Variants in USP34 observed in about 807,000 individuals in gnomAD.
USP34 encodes the protein ubiquitin specific peptidase 34.
A neutral mutation model predicts 460.3 loss-of-function variants in USP34; 70 were observed. That is an observed-to-expected ratio of 0.15 (90% CI 0.13 to 0.19). The LOEUF (loss-of-function observed/expected upper bound fraction) is 0.19. USP34 is among the 10% of genes least tolerant of loss of function. The probability of loss-of-function intolerance (pLI) is 1.00; values close to 1 mark genes in which losing one functional copy is unlikely to be tolerated. For missense variants in USP34, 3,985 were observed against 4,236.2 expected (o/e 0.94, Z 1.65); for synonymous variants, 1,647 against 1,405.3 (o/e 1.17, Z -3.85).
At chr2:61,387,928 TACACACACACAC>T (rs36116916) in intron 5 of USP34, among the ~76,000 whole-genome samples, 29 of 142,606 alleles carry the variant, frequency 2.0e-4, no homozygotes, top group Admixed American at 8.0e-4. Context: ...AATATATTTA[TACACACACACAC>T]ACACACACAC....
At chr2:61,197,423 C>T (rs1686841680) in intron 75 of USP34, among the ~76,000 whole-genome samples, 1 of 152,086 alleles carries the variant, frequency 6.6e-6, no homozygotes, top group African/African-American at 2.4e-5. Flanking sequence ...TTATATAATC[C>T]TCTCAAATTC....
intron 75 of USP34, among the ~76,000 whole-genome samples, chr2:61,199,023 G>T (rs1686891711): frequency 6.6e-6 from 1 of 152,156 alleles, no homozygotes; most frequent in Non-Finnish European, 1.5e-5. Flanking sequence ...TATTGGCAGT[G>T]TTGGCTGTTT....
chr2:61,415,794 T>G (rs1419659809), intron 2 of USP34, among the ~76,000 whole-genome samples: 1 of 152,222 alleles, frequency 6.6e-6, no homozygotes, highest in Non-Finnish European at 1.5e-5. Context: ...CTTCTCAGTT[T>G]TACCGTTATT....
At chr2:61,205,568 A>G (rs1687095974) in intron 72 of USP34, among the ~76,000 whole-genome samples, 1 of 152,248 alleles carries the variant, frequency 6.6e-6, no homozygotes, top group Admixed American at 6.5e-5. Context: ...AAAAGCCACA[A>G]ATTAGCATTT....
At chr2:61,247,733 T>C (rs1312947413) in intron 49 of USP34, among the ~76,000 whole-genome samples, 5 of 152,212 alleles carry the variant, frequency 3.3e-5, no homozygotes, top group Non-Finnish European at 5.9e-5. Context: ...AAAAGTAGAA[T>C]GTATACATAC....
chr2:61,223,665 C>T, intron 62 of USP34: 1 of 189,908 alleles, frequency 5.3e-6, no homozygotes, highest in South Asian at 9.7e-5. Flanking sequence ...CTGTATATTT[C>T]TTCCTTTTTT....
At chr2:61,402,434 C>T (rs1693749831) in intron 3 of USP34, among the ~76,000 whole-genome samples, 1 of 152,092 alleles carries the variant, frequency 6.6e-6, no homozygotes, top group Non-Finnish European at 1.5e-5. Flanking sequence ...GCTCCAAGTT[C>T]CCATATTATT....
At chr2:61,308,622 G>C (rs567221323) in intron 27 of USP34, among the ~76,000 whole-genome samples, 3 of 152,202 alleles carry the variant, frequency 2.0e-5, no homozygotes, top group East Asian at 3.9e-4. Flanking sequence ...AACTGAAAGG[G>C]TCCAGTGCTA....
intron 53 of USP34, among the ~76,000 whole-genome samples, chr2:61,238,664 T>C (rs1204594081): frequency 1.3e-5 from 2 of 152,194 alleles, no homozygotes; most frequent in Non-Finnish European, 2.9e-5. Flanking sequence ...TTTTACATTT[T>C]AAATTTAATT....
intron 8 of USP34, among the ~76,000 whole-genome samples, chr2:61,374,993 T>G (rs1389697804): frequency 6.6e-6 from 1 of 152,086 alleles, no homozygotes; most frequent in African/African-American, 2.4e-5. Context: ...GAATACCCCA[T>G]ACGACAACAG....
intron 2 of USP34, among the ~76,000 whole-genome samples, chr2:61,412,387 A>C (rs961681822): frequency 6.6e-6 from 1 of 152,128 alleles, no homozygotes; most frequent in Non-Finnish European, 1.5e-5. Context: ...CAGATTACAC[A>C]ACAGGGCATT....
chr2:61,432,634 G>A (rs1694710030), intron 1 of USP34, among the ~76,000 whole-genome samples: 1 of 151,968 alleles, frequency 6.6e-6, no homozygotes, highest in Admixed American at 6.6e-5. Context: ...AATGCTAAAT[G>A]GTTATTTTAA....
rs1469927365 is a variant in USP34 at position 61,211,906 on chromosome 2, C to G, written c.8706G>C (p.Leu2902=). ...GCCTCTGAGCTATAAACAGCTGCAT[C>G]AGGTTAAACAGTTCTTCTACTGCCT... ...YPGAVEELFN[L]MQLFIAQRPD... Residue 2902 remains leucine, a synonymous_variant, in exon 69 of 80, where the codon CTG becomes CTC. Coordinates refer to ENST00000398571, the MANE Select transcript of USP34 (RefSeq NM_014709.4). 9 of 1,607,610 alleles carry G rather than the reference C, an allele frequency of 5.6e-6. No individual in the cohort carries two copies. Among genetic ancestry groups the G allele is most frequent in the Non-Finnish European group, 6.8e-6 (8 of 1,178,216 alleles).
intron 20 of USP34, among the ~76,000 whole-genome samples, chr2:61,327,081 C>T (rs756701780): frequency 1.3e-5 from 2 of 152,032 alleles, no homozygotes; most frequent in Non-Finnish European, 2.9e-5. Flanking sequence ...CCACTGTGCA[C>T]AGCCTGGGCA....
At chr2:61,268,037 A>C (rs964964596) in intron 41 of USP34, among the ~76,000 whole-genome samples, 7 of 152,146 alleles carry the variant, frequency 4.6e-5, no homozygotes, top group Non-Finnish European at 1.0e-4. Context: ...TACAGATGTG[A>C]GCCACTGCAC....
rs1229420480 is a variant in USP34, at chr2:61,232,850, AT to A, written c.7033-319del. Among the ~76,000 whole-genome samples the A allele has an allele frequency of 1.3e-4, 14 of 110,298 alleles. No individual in the cohort carries two copies. In the South Asian group the frequency reaches 1.9e-3, roughly 15 times the overall value. 72.4% of individuals were successfully genotyped at this position (110,298 alleles called of 152,430 possible). A position where few individuals can be genotyped will look rare whatever the true frequency, so the allele number is the denominator to read the frequency against. ...TCTTTAGTTCTTATTAATTATATAT[AT>A]ATATATATTCCCCCCCCCCTTTTTT... is the stretch of plus-strand genomic sequence containing the variant. On this transcript the variant is annotated intron_variant, in intron 57 of 79. Transcript: ENST00000398571.
chr2:61,196,060 C>T (rs1055022819), intron 75 of USP34, among the ~76,000 whole-genome samples: 5 of 140,612 alleles, frequency 3.6e-5, no homozygotes, highest in African/African-American at 1.3e-4. Flanking sequence ...GTATGCACCA[C>T]CATGCACGAT....
intron 78 of USP34, 23 bp downstream of exon 78, chr2:61,190,245 TGCC>T (rs1370746686): frequency 2.5e-6 from 4 of 1,582,236 alleles, no homozygotes; most frequent in Non-Finnish European, 3.4e-6. Context: ...TAAAAGTGTG[TGCC>T]GCCGCCTCTG....
At position 61,246,409 on chromosome 2, in the gene USP34, C is replaced by T; in HGVS notation, c.6463G>A (p.Val2155Ile). The change falls in exon 50 of 80, where the codon GTT becomes ATT. Residue 2155 changes from valine (V) to isoleucine (I), a missense_variant. This residue lies in a region of USP34 where 70 missense variants were observed against 78.1 expected (regional missense o/e 0.90). Coordinates refer to ENST00000398571, the MANE Select transcript of USP34 (RefSeq NM_014709.4). ...SYEYDLIGVT[V>I]HTGTADGGHY... is the part of the protein sequence containing the mutation. ...CCACCATCTGCCGTTCCTGTGTGAACAGTCACTCCTATCAAGTCATATTCA... is the reference window on the plus strand; with the variant it reads ...CCACCATCTGCCGTTCCTGTGTGAATAGTCACTCCTATCAAGTCATATTCA... The T allele has an allele frequency of 6.2e-7, 1 of 1,610,654 alleles. No individual in the cohort carries two copies.
Sources: allele counts gnomAD v4.1 joint callset (sites outside exome capture counted in the v4.1 genomes callset), GRCh38; gene constraint gnomAD v4.1.1; regional missense constraint gnomAD v4.1.1; transcripts MANE v1.5; gene names NCBI Gene and HGNC (gene_info 2026-07-23, HGNC 2026-07-21).